Variants in MAPKAP1 observed in about 807,000 individuals in gnomAD.
The protein encoded by MAPKAP1 is MAPK associated protein 1, also known as target of rapamycin complex 2 subunit MAPKAP1.
Under a neutral mutation model 65.7 loss-of-function variants are expected in MAPKAP1, and 20 were observed. That is an observed-to-expected ratio of 0.30 (90% CI 0.21 to 0.44). MAPKAP1 has a LOEUF of 0.44. MAPKAP1 is among the 20% of genes least tolerant of loss of function. The probability of loss-of-function intolerance (pLI) is 1.00; values close to 1 mark genes in which losing one functional copy is unlikely to be tolerated. For synonymous variants in MAPKAP1, 222 were observed against 244.3 expected, an observed-to-expected ratio of 0.91 and a Z score of 0.85; for missense variants, 423 against 648.0, an observed-to-expected ratio of 0.65 and a Z score of 3.77.
At chr9:125,514,304 C>T (rs577415955) in intron 7 of MAPKAP1, among the ~76,000 whole-genome samples, 1 of 152,266 alleles carries the variant, frequency 6.6e-6, no homozygotes, top group Non-Finnish European at 1.5e-5. Context: ...TAGGAACACT[C>T]ATTGGGCTCT....
At chr9:125,679,773 A>G (rs1384414583) in intron 1 of MAPKAP1, among the ~76,000 whole-genome samples, 1 of 152,330 alleles carries the variant, frequency 6.6e-6, no homozygotes, top group East Asian at 1.9e-4. Flanking sequence ...GCTCACGTCT[A>G]TCCAATGGTT....
chr9:125,510,917 T>C (rs181143271), intron 7 of MAPKAP1, among the ~76,000 whole-genome samples: 1 of 152,258 alleles, frequency 6.6e-6, no homozygotes, highest in Non-Finnish European at 1.5e-5. Context: ...CGAGAGGCAA[T>C]ATAGCCAGGT....
chr9:125,597,220 G>C (rs935378375), intron 4 of MAPKAP1, among the ~76,000 whole-genome samples: 7 of 138,812 alleles, frequency 5.0e-5, no homozygotes, highest in Admixed American at 7.9e-5. Flanking sequence ...AGCCGAGATC[G>C]TGCCACTGCA....
At chr9:125,594,913 CCT>C (rs1404455489) in intron 4 of MAPKAP1, among the ~76,000 whole-genome samples, 2 of 152,150 alleles carry the variant, frequency 1.3e-5, no homozygotes, top group Non-Finnish European at 2.9e-5. Context: ...CTTCCCAGCC[CCT>C]GTTCTTCAGG....
chr9:125,701,457 G>A (rs370648111), intron 1 of MAPKAP1, among the ~76,000 whole-genome samples: 3 of 152,140 alleles, frequency 2.0e-5, no homozygotes, highest in East Asian at 1.9e-4. Flanking sequence ...AGCGGTATCC[G>A]CATATTCAGG....
intron 4 of MAPKAP1, among the ~76,000 whole-genome samples, chr9:125,654,691 T>C (rs1833983063): frequency 6.6e-6 from 1 of 152,216 alleles, no homozygotes; most frequent in South Asian, 2.1e-4. Flanking sequence ...ATATTCACTT[T>C]AATTTAGCAC....
chr9:125,687,440 T>C (rs918446437), intron 1 of MAPKAP1, among the ~76,000 whole-genome samples: 7 of 152,082 alleles, frequency 4.6e-5, no homozygotes, highest in Non-Finnish European at 8.8e-5. Context: ...GAAATAGCCA[T>C]AATATGTGTC....
chr9:125,462,138 T>C (rs1157264859), intron 10 of MAPKAP1, among the ~76,000 whole-genome samples: 1 of 152,316 alleles, frequency 6.6e-6, no homozygotes, highest in Middle Eastern at 3.4e-3. Flanking sequence ...ATGCGTGTGT[T>C]CTCTGCTAGA....
At chr9:125,615,376 T>C (rs1463608450) in intron 4 of MAPKAP1, among the ~76,000 whole-genome samples, 3 of 152,092 alleles carry the variant, frequency 2.0e-5, no homozygotes, top group Non-Finnish European at 4.4e-5. Context: ...TTTTTTTAAC[T>C]TGACAAGTGA....
chr9:125,598,066 C>T (rs1832191474), intron 4 of MAPKAP1, among the ~76,000 whole-genome samples: 1 of 146,102 alleles, frequency 6.8e-6, no homozygotes, highest in Admixed American at 6.8e-5. Context: ...AGAGGGTCGA[C>T]ATGAGAAAAA....
chr9:125,584,521 C>T (rs1198650263), intron 5 of MAPKAP1, among the ~76,000 whole-genome samples: 2 of 152,056 alleles, frequency 1.3e-5, no homozygotes, highest in Admixed American at 1.3e-4. Flanking sequence ...TCACTGCAAC[C>T]TCTGCAGCGA....
In MAPKAP1 at chr9:125,695,664, G is replaced by A. The variant is rs1415631578; in HGVS notation, c.-70+11307C>T. On this transcript the variant is annotated intron_variant, in intron 1 of 11. Coordinates refer to ENST00000265960, the MANE Select transcript of MAPKAP1 (RefSeq NM_001006617.3). ...ATTGTACATAAGAGAATCAGTATGC[G>A]CATTTGAAAAAAACAAACCTAACTG... Among the ~76,000 whole-genome samples, 9 of 151,642 alleles carry A rather than the reference G, an allele frequency of 5.9e-5. No individual in the cohort carries two copies. In the South Asian group the frequency reaches 1.2e-3, roughly 21 times the overall value.
intron 7 of MAPKAP1, among the ~76,000 whole-genome samples, chr9:125,526,095 G>C (rs1421953560): frequency 2.0e-5 from 3 of 152,186 alleles, no homozygotes; most frequent in Non-Finnish European, 2.9e-5. Flanking sequence ...TGGTGCAGCA[G>C]CCACTGCCAG....
intron 9 of MAPKAP1, among the ~76,000 whole-genome samples, chr9:125,470,343 G>GTATAT (rs1853858667): frequency 6.6e-6 from 1 of 152,180 alleles, no homozygotes; most frequent in Non-Finnish European, 1.5e-5. Context: ...GGGCTCCCAT[G>GTATAT]TATATTAGTG....
In MAPKAP1 at chr9:125,628,866, T is replaced by TCAACAACAA. The variant is rs71374283; in HGVS notation, c.498+28776_498+28784dup. Among the ~76,000 whole-genome samples the TCAACAACAA allele has an allele frequency of 7.3e-5, 11 of 151,362 alleles. No individual in the cohort carries two copies. The East Asian group carries it at 1.8e-3, about 24-fold the overall frequency. On this transcript the variant is annotated intron_variant, in intron 4 of 11. Coordinates refer to ENST00000265960, the MANE Select transcript of MAPKAP1 (RefSeq NM_001006617.3). ...CAGAATATATAATGAACTCTACAAC[T>TCAACAACAA]CAACAACAACAACAACAACAAGAAC... is the stretch of plus-strand genomic sequence containing the variant.
At chr9:125,623,624 G>A (rs1281946006) in intron 4 of MAPKAP1, among the ~76,000 whole-genome samples, 1 of 15,454 alleles carries the variant, frequency 6.5e-5, no homozygotes, top group Non-Finnish European at 2.2e-3. Context: ...GAGAAGTGAG[G>A]AGCCTCTCTG....
intron 7 of MAPKAP1, among the ~76,000 whole-genome samples, chr9:125,530,244 C>A (rs191967908): frequency 2.6e-4 from 39 of 152,224 alleles, no homozygotes; most frequent in Non-Finnish European, 4.6e-4. Context: ...ATGGCCTGAC[C>A]GAAGAAAGAG....
intron 1 of MAPKAP1, among the ~76,000 whole-genome samples, chr9:125,684,457 A>T (rs1564616017): frequency 6.6e-6 from 1 of 152,138 alleles, no homozygotes; most frequent in Non-Finnish European, 1.5e-5. Context: ...AAACCCCACA[A>T]TAATGTGAGG....
chr9:125,616,778 A>G (rs2131641222), intron 4 of MAPKAP1, among the ~76,000 whole-genome samples: 1 of 152,322 alleles, frequency 6.6e-6, no homozygotes, highest in South Asian at 2.1e-4. Flanking sequence ...TATAAGCTGA[A>G]GCTGCACATA....
Sources: gnomAD v4.1 joint callset for allele counts (sites outside exome capture counted in the v4.1 genomes callset) on GRCh38, gnomAD v4.1.1 for gene constraint, MANE v1.5 for transcripts, NCBI Gene and HGNC (gene_info 2026-07-23, HGNC 2026-07-21) for gene names.